The following MAN1A1 variants were observed in gnomAD, a reference collection of about 807,000 sequenced individuals.
The protein encoded by MAN1A1 is mannosyl-oligosaccharide 1,2-alpha-mannosidase IA.
A neutral mutation model predicts 70.8 loss-of-function variants in MAN1A1; 29 were observed. The observed-to-expected ratio is 0.41, with a 90% CI of 0.31 to 0.56. MAN1A1 has a LOEUF of 0.56. MAN1A1 is among the 20% of genes least tolerant of loss of function. The probability of loss-of-function intolerance (pLI) is 0.29; values close to 1 mark genes in which losing one functional copy is unlikely to be tolerated. For missense variants in MAN1A1, 747 were observed against 841.3 expected (o/e 0.89, Z 1.39); for synonymous variants, 349 against 330.1 (o/e 1.06, Z -0.62).
At chr6:119,241,080 C>G (rs1434871091) in intron 6 of MAN1A1, among the ~76,000 whole-genome samples, 1 of 152,052 alleles carries the variant, frequency 6.6e-6, no homozygotes, top group Non-Finnish European at 1.5e-5. Flanking sequence ...CCAGAAGTTT[C>G]TAATTAAAAA....
intron 2 of MAN1A1, among the ~76,000 whole-genome samples, chr6:119,329,133 CT>C (rs1021113510): frequency 6.6e-6 from 1 of 152,176 alleles, no homozygotes; most frequent in Non-Finnish European, 1.5e-5. Flanking sequence ...CTCCACCCCC[CT>C]GGCCATAGAT....
Position 119,276,442 on chromosome 6 carries a change from G to A in MAN1A1, c.897+14241C>T, listed in dbSNP as rs1376294241. Among the ~76,000 whole-genome samples the A allele has an allele frequency of 2.6e-5, 4 of 152,202 alleles. No homozygotes were observed. The South Asian group carries it at 8.3e-4, about 31-fold the overall frequency. Reference sequence around the variant, plus strand: ...CTTAACACATTTGCTGAATAAAGGAGTGAATCATAAGGGACTAGACATGTT... The same window carrying A: ...CTTAACACATTTGCTGAATAAAGGAATGAATCATAAGGGACTAGACATGTT... On this transcript the variant is annotated intron_variant, in intron 5 of 12. Coordinates refer to ENST00000368468, the MANE Select transcript of MAN1A1 (RefSeq NM_005907.4).
At chr6:119,328,407 A>G (rs770872142) in intron 2 of MAN1A1, among the ~76,000 whole-genome samples, 6 of 152,256 alleles carry the variant, frequency 3.9e-5, no homozygotes, top group Non-Finnish European at 7.3e-5. Flanking sequence ...GATAAAGCTC[A>G]AATGCACTGT....
Position 119,179,703 on chromosome 6 carries a change from A to T in MAN1A1, c.*116T>A. The T allele has an allele frequency of 1.1e-6, 1 of 942,078 alleles. No homozygotes were observed. The highest frequency in any genetic ancestry group is 1.6e-6 in the Non-Finnish European group (1 of 632,878). The allele number at this position is 942,078 out of a possible 1,614,324, so 58.4% of individuals were successfully genotyped here. A position where few individuals can be genotyped will look rare whatever the true frequency, so the allele number is the denominator to read the frequency against. ...AACATAAAAGACTGCAAAACAATTT[A>T]AGAACTTAATCACAGACCTACTAAT... On this transcript the variant is annotated 3_prime_UTR_variant, in exon 13 of 13. Coordinates refer to ENST00000368468, the MANE Select transcript of MAN1A1 (RefSeq NM_005907.4).
chr6:119,309,196 GCTGATCA>G (rs1177662298), intron 2 of MAN1A1, among the ~76,000 whole-genome samples: 1 of 152,194 alleles, frequency 6.6e-6, no homozygotes, highest in African/African-American at 2.4e-5. Context: ...AATTCCACCA[GCTGATCA>G]CTTCTGGAAA....
chr6:119,262,783 C>T (rs898332860), intron 5 of MAN1A1, among the ~76,000 whole-genome samples: 2 of 152,124 alleles, frequency 1.3e-5, no homozygotes, highest in Non-Finnish European at 2.9e-5. Context: ...CCATGGAATA[C>T]TACACAGCCA....
chr6:119,196,102 G>A (rs1773562568), intron 8 of MAN1A1, among the ~76,000 whole-genome samples: 1 of 152,256 alleles, frequency 6.6e-6, no homozygotes, highest in East Asian at 1.9e-4. Flanking sequence ...CGTGTCATTT[G>A]GAGTTAAAGC....
At chr6:119,345,191 AG>A (rs1309338082) in intron 2 of MAN1A1, among the ~76,000 whole-genome samples, 7 of 60,680 alleles carry the variant, frequency 1.2e-4, no homozygotes, top group Non-Finnish European at 1.6e-4. Context: ...GGAGAGGTTG[AG>A]GGGGGGGCGG....
At position 119,321,617 on chromosome 6, in the gene MAN1A1, A is replaced by ATTT. The variant is rs386359347; in HGVS notation, c.604-14628_604-14626dup. On this transcript the variant is annotated intron_variant, in intron 2 of 12. Transcript: ENST00000368468. ...TAGTGGATTGACTACATGGCCTGCA[A>ATTT]TTTTTTTTTTTTTTTTTTGAGACAG... Among the ~76,000 whole-genome samples the ATTT allele has an allele frequency of 4.5e-3, 604 of 133,274 alleles. 13 individuals are homozygous for ATTT. Among genetic ancestry groups the ATTT allele is most frequent in the African/African-American group, 8.8e-3 (307 of 34,908 alleles). 87.4% of individuals were successfully genotyped at this position (133,274 alleles called of 152,430 possible). A position where few individuals can be genotyped will look rare whatever the true frequency, so the allele number is the denominator to read the frequency against.
intron 2 of MAN1A1, among the ~76,000 whole-genome samples, chr6:119,319,745 T>G (rs1169627546): frequency 6.6e-6 from 1 of 152,212 alleles, no homozygotes; most frequent in African/African-American, 2.4e-5. Context: ...CTTTGCTTCT[T>G]GCTGAAACTG....
intron 5 of MAN1A1, among the ~76,000 whole-genome samples, chr6:119,263,559 T>C (rs1775670049): frequency 6.6e-6 from 1 of 152,144 alleles, no homozygotes; most frequent in African/African-American, 2.4e-5. Context: ...GTACTATGCT[T>C]ATTACTTGTG....
intron 2 of MAN1A1, chr6:119,327,378 G>GTTTTTTT (rs1186844213): frequency 2.4e-5 from 3 of 123,550 alleles, no homozygotes; most frequent in African/African-American, 3.1e-5. Flanking sequence ...GAAGCATTCC[G>GTTTTTTT]TTTTTTTTTT....
chr6:119,300,220 A>C (rs1408567940), intron 4 of MAN1A1, among the ~76,000 whole-genome samples: 1 of 152,066 alleles, frequency 6.6e-6, no homozygotes, highest in Non-Finnish European at 1.5e-5. Context: ...TGATTTTAAT[A>C]AGAAGGTAGA....
chr6:119,201,980 G>C (rs1380301366), intron 7 of MAN1A1, among the ~76,000 whole-genome samples: 1 of 152,114 alleles, frequency 6.6e-6, no homozygotes, highest in Non-Finnish European at 1.5e-5. Context: ...AGTAATAAGT[G>C]AATGTGAAGG....
At chr6:119,228,688 T>G (rs1448726510) in intron 6 of MAN1A1, among the ~76,000 whole-genome samples, 1 of 152,026 alleles carries the variant, frequency 6.6e-6, no homozygotes, top group East Asian at 1.9e-4. Flanking sequence ...AAAACAAATT[T>G]GGAAGGAAAT....
intron 11 of MAN1A1, among the ~76,000 whole-genome samples, chr6:119,185,482 G>C (rs1039626049): frequency 6.6e-6 from 1 of 152,198 alleles, no homozygotes; most frequent in African/African-American, 2.4e-5. Context: ...TTTACAAACT[G>C]AAAGTATGGG....
At chr6:119,339,508 C>T (rs557661275) in intron 2 of MAN1A1, among the ~76,000 whole-genome samples, 7 of 152,102 alleles carry the variant, frequency 4.6e-5, no homozygotes, top group South Asian at 4.1e-4. Context: ...GGTTATAACC[C>T]GGCGTCGGGG....
chr6:119,348,940 G>T lies in MAN1A1; in HGVS notation c.126C>A (p.Phe42Leu). Residue 42 changes from phenylalanine to leucine, a missense_variant, in exon 2 of 13, where the codon TTC becomes TTA. By Grantham distance (22) the Phe-to-Leu change is conservative. Coordinates refer to ENST00000368468, the MANE Select transcript of MAN1A1 (RefSeq NM_005907.4). Reference protein sequence around the residue: ...GPAALRLTEKFVLLLVFSAFI... With the variant: ...GPAALRLTEKLVLLLVFSAFI... ...AGGCGCTGAATACCAGCAGCAGCAC[G>T]AACTTCTCCGTCAGGCGGAGGGCGG... The T allele has an allele frequency of 6.5e-7, 1 of 1,532,388 alleles. No individual in the cohort carries two copies. The highest frequency in any genetic ancestry group is 1.2e-5 in the South Asian group (1 of 82,266). 94.9% of individuals were successfully genotyped at this position (1,532,388 alleles called of 1,614,324 possible).
At chr6:119,182,664 C>A (rs1020177969) in intron 11 of MAN1A1, among the ~76,000 whole-genome samples, 1 of 151,976 alleles carries the variant, frequency 6.6e-6, no homozygotes. Flanking sequence ...AAATTTCCAT[C>A]GTACAAAAAT....
Sources: allele counts gnomAD v4.1 joint callset (sites outside exome capture counted in the v4.1 genomes callset), GRCh38; gene constraint gnomAD v4.1.1; transcripts MANE v1.5; gene names NCBI Gene and HGNC (gene_info 2026-07-23, HGNC 2026-07-21).